ERICH6B: variants seen among roughly 807,000 people sequenced by gnomAD.
ERICH6B encodes glutamate-rich protein 6B.
A neutral mutation model predicts 80.0 loss-of-function variants in ERICH6B; 69 were observed. That is an observed-to-expected ratio of 0.86 (90% CI 0.71 to 1.05). The LOEUF (loss-of-function observed/expected upper bound fraction) is 1.05. Among genes scored for constraint, ERICH6B ranks in the 50% least tolerant of loss-of-function variants. The pLI is 0.00. For missense variants in ERICH6B, 754 were observed against 796.1 expected (o/e 0.95, Z 0.64); for synonymous variants, 283 against 291.9 (o/e 0.97, Z 0.31).
intron 1 of ERICH6B, among the ~76,000 whole-genome samples, chr13:45,614,473 C>T (rs1949916714): frequency 6.6e-6 from 1 of 152,204 alleles, no homozygotes; most frequent in African/African-American, 2.4e-5. Context: ...GAGAGGCACA[C>T]AGGAGGCTGA....
rs1285428558 is a variant in ERICH6B at position 45,580,679 on chromosome 13, G to A, written c.857-14C>T. On this transcript the variant is annotated splice_polypyrimidine_tract_variant and intron_variant, in intron 5 of 14. Transcript: ENST00000298738. Reference sequence around the variant, plus strand: ...TTAAAGATTTTACTGTTAAAAGGCAGAAGAGGGTGGCTATTAATGATTTAA... The same window carrying A: ...TTAAAGATTTTACTGTTAAAAGGCAAAAGAGGGTGGCTATTAATGATTTAA... 1.9e-6 allele frequency: 3 copies of A among 1,551,176 alleles called. No individual in the cohort carries two copies. In the African/African-American group the frequency reaches 4.1e-5, roughly 21 times the overall value.
In ERICH6B at chr13:45,594,791, A is replaced by C. The variant is rs376862777; in HGVS notation, c.637+1578T>G. ...GCCTAGGATGCTTGTAGTTGGTAGC[A>C]GAACCGGATCCAGAAAAATAGTTTA... On this transcript the variant is annotated intron_variant, in intron 3 of 14. Transcript: ENST00000298738. Among the ~76,000 whole-genome samples the C allele has an allele frequency of 1.3e-4, 20 of 152,360 alleles. No homozygotes were observed. The East Asian group carries it at 1.5e-3, about 12-fold the overall frequency.
chr13:45,603,048 G>C (rs187661239), intron 2 of ERICH6B, among the ~76,000 whole-genome samples: 2 of 152,340 alleles, frequency 1.3e-5, no homozygotes, highest in African/African-American at 4.8e-5. Context: ...TTAAGACATG[G>C]AGGAGGGGGG....
At chr13:45,560,021 G>GT (rs1874600617) in intron 11 of ERICH6B, among the ~76,000 whole-genome samples, 1 of 152,182 alleles carries the variant, frequency 6.6e-6, no homozygotes, top group East Asian at 1.9e-4. Context: ...CATTTCTTAG[G>GT]TCCAGTAGTA....
Position 45,568,415 on chromosome 13 carries a change from T to C in ERICH6B, c.1087A>G (p.Ile363Val), listed in dbSNP as rs1875013688. ...TTGTGAGCAGCCATTTCTTTGATTA[T>C]TGTTTTAAATACTGTCTGATAGGAG... is the stretch of plus-strand genomic sequence containing the variant. ...NSSYQTVFKT[I>V]IKEMAAHNEL... is the part of the protein sequence containing the mutation. The change falls in exon 9 of 15, where the codon ATA (isoleucine) becomes GTA (valine). Residue 363 changes from isoleucine (I) to valine (V), a missense_variant. Transcript: ENST00000298738. The C allele has an allele frequency of 6.5e-7, 1 of 1,550,012 alleles. No individual in the cohort carries two copies. The highest frequency in any genetic ancestry group is 2.0e-5 in the Admixed American group (1 of 50,708).
At chr13:45,579,066 C>G (rs1031243336) in intron 7 of ERICH6B, among the ~76,000 whole-genome samples, 2 of 152,180 alleles carry the variant, frequency 1.3e-5, no homozygotes, top group African/African-American at 4.8e-5. Flanking sequence ...GATCTCAAAT[C>G]TCAGATCTGC....
At chr13:45,611,668 C>T (rs1057055376) in intron 1 of ERICH6B, among the ~76,000 whole-genome samples, 3 of 152,236 alleles carry the variant, frequency 2.0e-5, no homozygotes, top group Non-Finnish European at 2.9e-5. Context: ...AAACACCCCA[C>T]ACAGGTGGGG....
intron 14 of ERICH6B, among the ~76,000 whole-genome samples, chr13:45,542,957 C>T (rs1302433477): frequency 6.6e-6 from 1 of 152,246 alleles, no homozygotes; most frequent in East Asian, 1.9e-4. Context: ...CTCCTCTCTT[C>T]TCAGATACTC....
At chr13:45,593,315 C>T (rs1369240495) in intron 3 of ERICH6B, among the ~76,000 whole-genome samples, 3 of 152,078 alleles carry the variant, frequency 2.0e-5, no homozygotes, top group Non-Finnish European at 4.4e-5. Flanking sequence ...TTCATTGTGT[C>T]TCATCTTTTG....
intron 2 of ERICH6B, among the ~76,000 whole-genome samples, chr13:45,602,094 G>A (rs998045181): frequency 2.0e-5 from 3 of 152,202 alleles, no homozygotes; most frequent in Admixed American, 1.3e-4. Context: ...CAACTACCCT[G>A]CTCCAAGGAC....
intron 3 of ERICH6B, among the ~76,000 whole-genome samples, chr13:45,591,158 CT>C (rs1192765153): frequency 6.6e-6 from 1 of 152,164 alleles, no homozygotes; most frequent in South Asian, 2.1e-4. Flanking sequence ...GCCAACAATT[CT>C]GATAATACAA....
chr13:45,568,422 A>C lies in ERICH6B; in HGVS notation c.1080T>G (p.Phe360Leu). The C allele has an allele frequency of 6.5e-7, 1 of 1,548,654 alleles. No individual in the cohort carries two copies. The highest frequency in any genetic ancestry group is 8.7e-7 in the Non-Finnish European group (1 of 1,145,858). The stretch of plus-strand genomic sequence containing the variant: ...CAGCCATTTCTTTGATTATTGTTTT[A>C]AATACTGTCTGATAGGAGCTGTTCA... ...NFLNSSYQTV[F>L]KTIIKEMAAH... Residue 360 changes from phenylalanine to leucine, a missense_variant, in exon 9 of 15, where the codon TTT (phenylalanine) becomes TTG (leucine). Coordinates refer to ENST00000298738, the MANE Select transcript of ERICH6B (RefSeq NM_182542.3).
chr13:45,541,959 G>A (rs1208456954), intron 14 of ERICH6B, among the ~76,000 whole-genome samples: 2 of 152,208 alleles, frequency 1.3e-5, no homozygotes, highest in Non-Finnish European at 2.9e-5. Flanking sequence ...GTGCCCTGGC[G>A]CGGCCTGCCC....
intron 8 of ERICH6B, among the ~76,000 whole-genome samples, chr13:45,572,093 T>C (rs983444864): frequency 6.6e-6 from 1 of 152,222 alleles, no homozygotes; most frequent in Non-Finnish European, 1.5e-5. Context: ...ACCTAGATTG[T>C]ATATTTCTGG....
intron 2 of ERICH6B, among the ~76,000 whole-genome samples, chr13:45,603,567 G>C (rs1165617221): frequency 6.6e-6 from 1 of 152,040 alleles, no homozygotes; most frequent in Non-Finnish European, 1.5e-5. Context: ...AACATGCCAG[G>C]TGCTGGTCAG....
chr13:45,603,964 C>T (rs141668017), intron 2 of ERICH6B, among the ~76,000 whole-genome samples: 1 of 152,344 alleles, frequency 6.6e-6, no homozygotes, highest in Non-Finnish European at 1.5e-5. Flanking sequence ...TGTGTGAATA[C>T]AGACCCCTCC....
intron 5 of ERICH6B, among the ~76,000 whole-genome samples, chr13:45,586,497 C>T (rs112982378): frequency 2.1e-3 from 322 of 152,222 alleles, no homozygotes; most frequent in African/African-American, 7.5e-3. Flanking sequence ...AGAATGAAGA[C>T]CCTTAATGCA....
In ERICH6B at chr13:45,544,943, G is replaced by C. The variant is rs1362834513; in HGVS notation, c.1689C>G (p.Asp563Glu). The change falls in exon 14 of 15, where the codon GAC becomes GAG. Residue 563 changes from aspartate (D) to glutamate (E), a missense_variant. By Grantham distance (45) the Asp-to-Glu change is conservative. Coordinates refer to ENST00000298738, the MANE Select transcript of ERICH6B (RefSeq NM_182542.3). Reference protein sequence around the residue: ...SSNLGYYFPKDKRQKAWNWWN... With the variant: ...SSNLGYYFPKEKRQKAWNWWN... ...ACCAGTTCCAGGCCTTCTGGCGTTT[G>C]TCTTTGGGGAAGTAGTAGCCCAGGT... 1 of 1,551,528 alleles carries C rather than the reference G, an allele frequency of 6.4e-7. No homozygotes were observed. The highest frequency in any genetic ancestry group is 2.0e-5 in the Admixed American group (1 of 51,018).
In ERICH6B at chr13:45,584,700, T is replaced by C. The variant is rs1243910530; in HGVS notation, c.856+2363A>G. ...AGTTCTGGGCCTCCTGGAGCAGCAG[T>C]GCCCATGCCTGGCTTCGTCTTTGCT... On this transcript the variant is annotated intron_variant, in intron 5 of 14. Coordinates refer to ENST00000298738, the MANE Select transcript of ERICH6B (RefSeq NM_182542.3). 1.3e-5 allele frequency among the ~76,000 whole-genome samples: 2 copies of C among 152,296 alleles called. 1 individual carries two copies. Among genetic ancestry groups the C allele is most frequent in the Admixed American group, 1.3e-4 (2 of 15,302 alleles).
Sources: gnomAD v4.1 joint callset for allele counts (sites outside exome capture counted in the v4.1 genomes callset) on GRCh38, gnomAD v4.1.1 for gene constraint, MANE v1.5 for transcripts, NCBI Gene and HGNC (gene_info 2026-07-23, HGNC 2026-07-21) for gene names.